ZNF609: variants seen among roughly 807,000 people sequenced by gnomAD.
ZNF609 encodes the protein zinc finger protein 609.
ZNF609 carries 11 observed loss-of-function variants against 109.5 expected under a neutral mutation model. The observed-to-expected ratio is 0.10, with a 90% CI of 0.06 to 0.17. The LOEUF (loss-of-function observed/expected upper bound fraction) is 0.17, where lower values mean the gene tolerates loss of function less well. ZNF609 is among the 10% of genes least tolerant of loss of function. ZNF609 has a pLI of 1.00. For missense variants in ZNF609, 1,559 were observed against 1,772.4 expected (o/e 0.88, Z 2.16); for synonymous variants, 646 against 662.0 (o/e 0.98, Z 0.37).
chr15:64,680,162 CTGTT>C lies in ZNF609; in HGVS notation c.3770-20_3770-17del, dbSNP rs758908123. 4.3e-6 allele frequency: 7 copies of C among 1,612,538 alleles called. No individual in the cohort carries two copies. Among genetic ancestry groups the C allele is most frequent in the Non-Finnish European group, 4.2e-6 (5 of 1,178,764 alleles). ...TCCTCTACCTCTCCCATCTCTTTGA[CTGTT>C]TGATTTCTCCTTCCACAGGTTCCTA... On this transcript the variant is annotated intron_variant, in intron 6 of 9. Transcript: ENST00000326648.
At chr15:64,491,639 G>A (rs1448789765) in intron 1 of ZNF609, among the ~76,000 whole-genome samples, 1 of 151,384 alleles carries the variant, frequency 6.6e-6, no homozygotes, top group Non-Finnish European at 1.5e-5. Context: ...ACTAGGTCAG[G>A]AGTTTGAGGC....
At chr15:64,578,311 T>G (rs1157130549) in intron 2 of ZNF609, among the ~76,000 whole-genome samples, 1 of 152,098 alleles carries the variant, frequency 6.6e-6, no homozygotes, top group Non-Finnish European at 1.5e-5. Flanking sequence ...GTCTTGTCAT[T>G]AGTCTATTTT....
intron 5 of ZNF609, among the ~76,000 whole-genome samples, chr15:64,677,304 C>A (rs993867451): frequency 6.6e-6 from 1 of 152,010 alleles, no homozygotes; most frequent in African/African-American, 2.4e-5. Context: ...CTCAAGCAAT[C>A]CTCGCGCCTC....
chr15:64,538,704 G>A (rs138498055), intron 2 of ZNF609, among the ~76,000 whole-genome samples: 1,970 of 151,898 alleles, frequency 0.013, 33 homozygotes, highest in African/African-American at 0.046. Flanking sequence ...GCACAATCAC[G>A]CCTGGCTAAT....
At chr15:64,620,877 G>T (rs1357043855) in intron 2 of ZNF609, among the ~76,000 whole-genome samples, 1 of 152,206 alleles carries the variant, frequency 6.6e-6, no homozygotes. Flanking sequence ...CTCTGTGTGT[G>T]TTGTGGGAGG....
intron 3 of ZNF609, chr15:64,631,937 G>C (rs1352641073): frequency 2.6e-5 from 4 of 154,110 alleles, no homozygotes; most frequent in African/African-American, 9.7e-5. Flanking sequence ...GGCAGTTCTG[G>C]CCGAAAGGCT....
chr15:64,645,024 CCTTCCTTTCTTCCTTCCTTTCTTT>C (rs1337933508), intron 3 of ZNF609, among the ~76,000 whole-genome samples: 6 of 141,452 alleles, frequency 4.2e-5, no homozygotes, highest in African/African-American at 1.1e-4. Context: ...TTCCTTCCTT[CCTTCCTTTCTTCCTTCCTTTCTTT>C]CTTCCTTTCT....
At chr15:64,613,733 G>A (rs917978413) in intron 2 of ZNF609, among the ~76,000 whole-genome samples, 2 of 151,884 alleles carry the variant, frequency 1.3e-5, no homozygotes, top group African/African-American at 4.8e-5. Context: ...TGTATTTTTA[G>A]TAGAGACAAG....
At chr15:64,546,436 C>CTT (rs113149337) in intron 2 of ZNF609, among the ~76,000 whole-genome samples, 2 of 140,532 alleles carry the variant, frequency 1.4e-5, no homozygotes, top group East Asian at 2.1e-4. Flanking sequence ...ATGTTTCTTT[C>CTT]TTTTTTTTTT....
intron 2 of ZNF609, among the ~76,000 whole-genome samples, chr15:64,601,070 A>AG (rs1347314519): frequency 6.6e-6 from 1 of 152,174 alleles, no homozygotes; most frequent in Admixed American, 6.6e-5. Context: ...CTTACCCAAC[A>AG]GGTTGCCAAG....
chr15:64,550,331 T>TTGC, intron 2 of ZNF609, among the ~76,000 whole-genome samples: 1 of 151,916 alleles, frequency 6.6e-6, no homozygotes, highest in African/African-American at 2.4e-5. Context: ...GTTATTGTTG[T>TTGC]TGTTGTTGTT....
chr15:64,479,296 T>TTG (rs948859338), intron 1 of ZNF609, among the ~76,000 whole-genome samples: 1 of 134,794 alleles, frequency 7.4e-6, no homozygotes, highest in South Asian at 2.5e-4. Flanking sequence ...TTTTTTTTTT[T>TTG]TTTTTTTTTT....
intron 8 of ZNF609, 101 bp from the exon 9 acceptor site, chr15:64,681,208 G>A: frequency 2.0e-6 from 2 of 1,001,914 alleles, no homozygotes; most frequent in East Asian, 4.8e-5. Context: ...ATCTGGCTGA[G>A]TATCAGATTT....
intron 3 of ZNF609, among the ~76,000 whole-genome samples, chr15:64,627,145 G>A (rs955310720): frequency 3.3e-5 from 5 of 151,538 alleles, no homozygotes; most frequent in African/African-American, 1.2e-4. Context: ...AGCCGAGAGT[G>A]TGCCACTACA....
At chr15:64,556,659 T>C (rs1373816271) in intron 2 of ZNF609, among the ~76,000 whole-genome samples, 1 of 152,198 alleles carries the variant, frequency 6.6e-6, no homozygotes, top group Non-Finnish European at 1.5e-5. Flanking sequence ...TACTAGTCTT[T>C]CACATAATGC....
chr15:64,555,587 CAA>C (rs533779927), intron 2 of ZNF609, among the ~76,000 whole-genome samples: 2 of 113,004 alleles, frequency 1.8e-5, no homozygotes. Flanking sequence ...AATTCTGTCT[CAA>C]AAAAAAAAAA....
At chr15:64,469,662 T>A (rs190664522) in intron 1 of ZNF609, among the ~76,000 whole-genome samples, 1 of 152,258 alleles carries the variant, frequency 6.6e-6, no homozygotes, top group East Asian at 1.9e-4. Context: ...AGCCTCATTC[T>A]GCAGGCTCAC....
intron 2 of ZNF609, among the ~76,000 whole-genome samples, chr15:64,616,239 C>T (rs541117118): frequency 1.3e-5 from 2 of 152,170 alleles, no homozygotes; most frequent in African/African-American, 4.8e-5. Flanking sequence ...AGCAATCCTC[C>T]CGCCTTGGCC....
At chr15:64,553,506 G>A (rs978996798) in intron 2 of ZNF609, among the ~76,000 whole-genome samples, 1 of 149,920 alleles carries the variant, frequency 6.7e-6, no homozygotes, top group Non-Finnish European at 1.5e-5. Context: ...TATTGTAAAT[G>A]GTATTTTTAA....
Sources: allele counts gnomAD v4.1 joint callset (sites outside exome capture counted in the v4.1 genomes callset), GRCh38; gene constraint gnomAD v4.1.1; transcripts MANE v1.5; gene names NCBI Gene and HGNC (gene_info 2026-07-23, HGNC 2026-07-21).